DNM3: variants seen among roughly 807,000 people sequenced by gnomAD.
DNM3 encodes dynamin-3.
A neutral mutation model predicts 101.6 loss-of-function variants in DNM3; 47 were observed. The observed-to-expected ratio is 0.46, with a 90% confidence interval of 0.37 to 0.59. The LOEUF (loss-of-function observed/expected upper bound fraction) is 0.59, where lower values mean the gene tolerates loss of function less well. Ranked by LOEUF, DNM3 falls within the 20% of genes least tolerant of loss-of-function variation. DNM3 has a pLI of 0.00. For missense variants in DNM3, 849 were observed against 1,085.7 expected (o/e 0.78, Z 3.06); for synonymous variants, 385 against 387.9 (o/e 0.99, Z 0.09).
At chr1:171,972,009 A>C (rs1000863891) in intron 2 of DNM3, among the ~76,000 whole-genome samples, 1 of 152,218 alleles carries the variant, frequency 6.6e-6, no homozygotes, top group Non-Finnish European at 1.5e-5. Context: ...TAAAATGCTG[A>C]AAGAGGTATT....
At chr1:172,110,937 A>C (rs780194244) in intron 13 of DNM3, among the ~76,000 whole-genome samples, 21 of 152,184 alleles carry the variant, frequency 1.4e-4, no homozygotes, top group Non-Finnish European at 2.8e-4. Flanking sequence ...TCAGGAGGCT[A>C]ATGTGGAAGG....
At chr1:172,134,135 G>A (rs1463820525) in intron 14 of DNM3, among the ~76,000 whole-genome samples, 1 of 152,166 alleles carries the variant, frequency 6.6e-6, no homozygotes, top group African/African-American at 2.4e-5. Flanking sequence ...AGAGGATGGT[G>A]GCTGGGTAGT....
chr1:172,171,836 CA>C (rs1373629508), intron 14 of DNM3, among the ~76,000 whole-genome samples: 3 of 151,526 alleles, frequency 2.0e-5, no homozygotes, highest in South Asian at 4.2e-4. Flanking sequence ...AGGACAGTGT[CA>C]AAAAAATTTC....
chr1:172,082,658 A>G (rs111783353), intron 12 of DNM3, among the ~76,000 whole-genome samples: 85 of 152,352 alleles, frequency 5.6e-4, no homozygotes, highest in African/African-American at 1.9e-3. Context: ...GAGCCTATGT[A>G]CTTTTACTTA....
chr1:172,211,038 A>T (rs1319168061), intron 14 of DNM3, among the ~76,000 whole-genome samples: 1 of 152,154 alleles, frequency 6.6e-6, no homozygotes, highest in Non-Finnish European at 1.5e-5. Context: ...CAGTTGAGTA[A>T]ACGGAAATAT....
chr1:172,355,564 T>G (rs2067409568), intron 17 of DNM3, among the ~76,000 whole-genome samples: 1 of 152,088 alleles, frequency 6.6e-6, no homozygotes, highest in Non-Finnish European at 1.5e-5. Flanking sequence ...TTCTGTAGCA[T>G]TTGCTAATTT....
intron 16 of DNM3, among the ~76,000 whole-genome samples, chr1:172,315,036 G>T (rs1400174562): frequency 6.6e-6 from 1 of 152,160 alleles, no homozygotes; most frequent in African/African-American, 2.4e-5. Flanking sequence ...ACTCCTCTGA[G>T]ACAAAACTTC....
intron 15 of DNM3, among the ~76,000 whole-genome samples, chr1:172,261,089 G>A (rs12041600): frequency 0.38 from 58,104 of 151,660 alleles, 12,635 homozygotes; most frequent in Non-Finnish European, 0.47. Context: ...TAGGACTATA[G>A]GCACATGCCA....
intron 14 of DNM3, among the ~76,000 whole-genome samples, chr1:172,169,562 C>G (rs2058874109): frequency 6.6e-6 from 1 of 151,694 alleles, no homozygotes; most frequent in Non-Finnish European, 1.5e-5. Context: ...ATCAAATTGC[C>G]CTTAAAAATA....
At chr1:172,104,206 A>G (rs2054850314) in intron 13 of DNM3, among the ~76,000 whole-genome samples, 1 of 152,120 alleles carries the variant, frequency 6.6e-6, no homozygotes, top group Non-Finnish European at 1.5e-5. Flanking sequence ...CTATCTCTTG[A>G]CTTTCAGTTT....
chr1:171,992,060 G>C (rs539559187), intron 4 of DNM3, among the ~76,000 whole-genome samples: 2 of 152,244 alleles, frequency 1.3e-5, no homozygotes, highest in South Asian at 4.2e-4. Flanking sequence ...TCTAGTAGAA[G>C]AAAAGCCATT....
rs548834162 is a variant in DNM3, at chr1:172,255,608, A to C, written c.1769+1926A>C. Reference sequence around the variant, plus strand: ...AAACTGTGGACTTTGAAAAATCTAGATATTTTGGGATCTTGGAGTTCTAAA... The same window carrying C: ...AAACTGTGGACTTTGAAAAATCTAGCTATTTTGGGATCTTGGAGTTCTAAA... On this transcript the variant is annotated intron_variant, in intron 15 of 20. Transcript: ENST00000627582. Among the ~76,000 whole-genome samples the C allele has an allele frequency of 3.3e-5, 5 of 152,272 alleles. No individual in the cohort carries two copies. In the East Asian group the frequency reaches 5.8e-4, roughly 18 times the overall value.
At chr1:172,304,206 CAAAAAA>C (rs575733774) in intron 15 of DNM3, among the ~76,000 whole-genome samples, 1 of 36,408 alleles carries the variant, frequency 2.7e-5, no homozygotes, top group African/African-American at 2.1e-4. Flanking sequence ...AAAAGGAAAG[CAAAAAA>C]AAAAAAAAAA....
intron 1 of DNM3, among the ~76,000 whole-genome samples, chr1:171,913,449 A>G (rs1333868831): frequency 6.6e-6 from 1 of 152,164 alleles, no homozygotes; most frequent in Non-Finnish European, 1.5e-5. Flanking sequence ...AATTTAGAGA[A>G]AAAAAGTAAA....
At chr1:171,847,545 A>G (rs2032315205) in intron 1 of DNM3, among the ~76,000 whole-genome samples, 1 of 151,862 alleles carries the variant, frequency 6.6e-6, no homozygotes. Flanking sequence ...AGGAAAAAAA[A>G]AGAGATTGGA....
chr1:172,133,228 T>C (rs2057036662), intron 14 of DNM3: 2 of 1,126,488 alleles, frequency 1.8e-6, no homozygotes, highest in Non-Finnish European at 1.1e-6. Context: ...ATGCTCTCTG[T>C]AGGGAAGGAA....
At chr1:171,882,195 T>C (rs1176753093) in intron 1 of DNM3, among the ~76,000 whole-genome samples, 2 of 151,674 alleles carry the variant, frequency 1.3e-5, no homozygotes, top group Non-Finnish European at 2.9e-5. Flanking sequence ...AATACAAAAT[T>C]AGCTGGGCGT....
chr1:171,947,200 C>T (rs1459257572), intron 2 of DNM3, among the ~76,000 whole-genome samples: 1 of 152,082 alleles, frequency 6.6e-6, no homozygotes, highest in East Asian at 1.9e-4. Flanking sequence ...TTAATGGCAG[C>T]ATGGTGGAAG....
chr1:172,011,993 A>G (rs964816495), intron 4 of DNM3, among the ~76,000 whole-genome samples: 3 of 152,102 alleles, frequency 2.0e-5, no homozygotes, highest in Non-Finnish European at 4.4e-5. Flanking sequence ...CAACTACTGC[A>G]TAACATGAAT....
Sources: gnomAD v4.1 joint callset for allele counts (sites outside exome capture counted in the v4.1 genomes callset) on GRCh38, gnomAD v4.1.1 for gene constraint, MANE v1.5 for transcripts, NCBI Gene and HGNC (gene_info 2026-07-23, HGNC 2026-07-21) for gene names.